ARB2A: variants seen among roughly 807,000 people sequenced by gnomAD.
The protein encoded by ARB2A is cotranscriptional regulator ARB2A.
the ARB2A span, among the ~76,000 whole-genome samples, chr5:93,674,668 G>T: frequency 6.6e-6 from 1 of 152,192 alleles, no homozygotes; most frequent in African/African-American, 2.4e-5. Context: ...ATTGGGGGTA[G>T]AGAAGGAGGC....
the ARB2A span, among the ~76,000 whole-genome samples, chr5:93,792,098 A>G: frequency 5.3e-5 from 8 of 152,294 alleles, no homozygotes; most frequent in Non-Finnish European, 8.8e-5. Flanking sequence ...TATCTATTAT[A>G]TAAGAGACAA....
At chr5:93,927,275 T>C in the ARB2A span, among the ~76,000 whole-genome samples, 1 of 151,460 alleles carries the variant, frequency 6.6e-6, no homozygotes, top group Non-Finnish European at 1.5e-5. Context: ...GGCTTTGGAG[T>C]GAGATCTGGA....
chr5:94,048,749 G>A, the ARB2A span, among the ~76,000 whole-genome samples: 5 of 152,152 alleles, frequency 3.3e-5, no homozygotes, highest in Non-Finnish European at 5.9e-5. Flanking sequence ...TGCCATCAGT[G>A]GGGGAAGGGA....
chr5:93,829,321 G>T, the ARB2A span, among the ~76,000 whole-genome samples: 1 of 151,960 alleles, frequency 6.6e-6, no homozygotes, highest in African/African-American at 2.4e-5. Flanking sequence ...CTTGCCTATG[G>T]GTTACTGCAT....
the ARB2A span, among the ~76,000 whole-genome samples, chr5:93,791,358 C>A: frequency 1.3e-5 from 2 of 152,180 alleles, no homozygotes; most frequent in Non-Finnish European, 2.9e-5. Flanking sequence ...TTGAATGCTA[C>A]CCTGGCAAAC....
At chr5:93,639,212 T>A in the ARB2A span, among the ~76,000 whole-genome samples, 1 of 152,346 alleles carries the variant, frequency 6.6e-6, no homozygotes, top group South Asian at 2.1e-4. Context: ...GTCCTTCGGT[T>A]GCTGACTACT....
chr5:93,836,157 A>G, the ARB2A span, among the ~76,000 whole-genome samples: 2 of 152,122 alleles, frequency 1.3e-5, no homozygotes, highest in Non-Finnish European at 2.9e-5. Context: ...CCTCCCGAGT[A>G]GCTGGGACCA....
chr5:93,748,130 T>C, the ARB2A span, among the ~76,000 whole-genome samples: 3 of 152,126 alleles, frequency 2.0e-5, no homozygotes, highest in African/African-American at 7.2e-5. Context: ...AGATGAAACA[T>C]AAGGAAGAAG....
At chr5:94,016,771 TTC>T in the ARB2A span, among the ~76,000 whole-genome samples, 1 of 152,216 alleles carries the variant, frequency 6.6e-6, no homozygotes, top group African/African-American at 2.4e-5. Context: ...CTGTCTCAGC[TTC>T]TCCTTATGGG....
At chr5:93,909,435 G>GA in the ARB2A span, among the ~76,000 whole-genome samples, 116 of 148,112 alleles carry the variant, frequency 7.8e-4, no homozygotes, top group Non-Finnish European at 1.2e-3. Flanking sequence ...CTTGAAAAAT[G>GA]AAAAAAAAAT....
chr5:93,794,421 G>C, the ARB2A span, among the ~76,000 whole-genome samples: 1 of 151,578 alleles, frequency 6.6e-6, no homozygotes, highest in Non-Finnish European at 1.5e-5. Context: ...TCTTTTTCTG[G>C]TAATTCAGAG....
the ARB2A span, among the ~76,000 whole-genome samples, chr5:93,731,472 C>A: frequency 6.6e-6 from 1 of 152,132 alleles, no homozygotes; most frequent in African/African-American, 2.4e-5. Context: ...TCCAGAACTG[C>A]ATGAAAATAA....
the ARB2A span, among the ~76,000 whole-genome samples, chr5:94,072,069 T>C: frequency 6.6e-6 from 1 of 152,080 alleles, no homozygotes; most frequent in Non-Finnish European, 1.5e-5. Flanking sequence ...TTACAAAAAC[T>C]TGGATGGATC....
At chr5:93,707,629 C>T in the ARB2A span, among the ~76,000 whole-genome samples, 1 of 144,908 alleles carries the variant, frequency 6.9e-6, no homozygotes, top group Non-Finnish European at 1.5e-5. Flanking sequence ...GGCTGGAGTG[C>T]AGTGGTGAGA....
the ARB2A span, among the ~76,000 whole-genome samples, chr5:94,089,868 AT>A: frequency 6.6e-6 from 1 of 152,214 alleles, no homozygotes; most frequent in Non-Finnish European, 1.5e-5. Flanking sequence ...TTCTGAAATA[AT>A]TCCAAACATA....
At chr5:93,873,840 T>A in the ARB2A span, among the ~76,000 whole-genome samples, 1 of 152,178 alleles carries the variant, frequency 6.6e-6, no homozygotes, top group Non-Finnish European at 1.5e-5. Flanking sequence ...AGAGTGTGAC[T>A]TATCTGATTA....
the ARB2A span, among the ~76,000 whole-genome samples, chr5:94,030,021 T>A: frequency 6.6e-6 from 1 of 152,108 alleles, no homozygotes; most frequent in African/African-American, 2.4e-5. Context: ...GAAACTCCTC[T>A]TTATAAAACC....
At chr5:93,836,976 A>G in the ARB2A span, among the ~76,000 whole-genome samples, 1 of 152,164 alleles carries the variant, frequency 6.6e-6, no homozygotes, top group African/African-American at 2.4e-5. Context: ...GCAGCACTCA[A>G]TCTTTTTTTA....
the ARB2A span, chr5:93,619,621 T>C: frequency 6.6e-6 from 1 of 152,238 alleles, no homozygotes; most frequent in African/African-American, 2.4e-5. Context: ...AAATTTATGT[T>C]CTCATCTATT....
Sources: allele counts gnomAD v4.1 joint callset (sites outside exome capture counted in the v4.1 genomes callset), GRCh38; gene constraint gnomAD v4.1.1; transcripts MANE v1.5; gene names NCBI Gene and HGNC (gene_info 2026-07-23, HGNC 2026-07-21).